Variants in OTOF observed in about 807,000 individuals in gnomAD.
The protein encoded by OTOF is otoferlin.
OTOF carries 218 observed loss-of-function variants against 236.8 expected under a neutral mutation model. The ratio of observed to expected loss-of-function variants is 0.92; its 90% confidence interval spans 0.82 to 1.03. OTOF has a LOEUF of 1.03. Among genes scored for constraint, OTOF ranks in the 50% least tolerant of loss-of-function variants. OTOF has a pLI of 0.00. For synonymous variants in OTOF, 1,041 were observed against 1,072.5 expected (o/e 0.97, Z 0.57); for missense variants, 2,590 against 2,694.4 (o/e 0.96, Z 0.86).
At position 26,468,543 on chromosome 2, in the gene OTOF, G is replaced by A. The variant is rs1349580107; in HGVS notation, c.4024-69C>T. 1.3e-5 allele frequency: 15 copies of A among 1,172,434 alleles called. No homozygotes were observed. The South Asian group carries it at 1.5e-4, about 11-fold the overall frequency. 72.6% of individuals were successfully genotyped at this position (1,172,434 alleles called of 1,614,324 possible). A position where few individuals can be genotyped will look rare whatever the true frequency, so the allele number is the denominator to read the frequency against. Reference sequence around the variant, plus strand: ...GGGAGGAGTCTGTTGACCCCAAATTGTGGGCCCAGACCAGTCTTAATGCAC... The same window carrying A: ...GGGAGGAGTCTGTTGACCCCAAATTATGGGCCCAGACCAGTCTTAATGCAC... On this transcript the variant is annotated intron_variant, in intron 32 of 46. Transcript: ENST00000272371.
At position 26,483,586 on chromosome 2, in the gene OTOF, AT is replaced by A; in HGVS notation, c.1267del (p.Ile423PhefsTer10). ...ACGGGGCAGCCCCTCTGCTCGGTAA[AT>A]TTTCACATAGAACCGGGCCCACTGG... Reference protein sequence around the residue: ...ERQWARFYVKIYRAEGLPRMN... With the variant: ...ERQWARFYVKXYRAEGLPRMN... On this transcript the variant is annotated frameshift_variant, in exon 13 of 47. Transcript: ENST00000272371. LOFTEE classifies it high-confidence loss of function. 1 of 1,613,612 alleles carries A rather than the reference AT, an allele frequency of 6.2e-7. No individual in the cohort carries two copies. Among genetic ancestry groups the A allele is most frequent in the Non-Finnish European group, 8.5e-7 (1 of 1,179,988 alleles).
intron 12 of OTOF, among the ~76,000 whole-genome samples, 186 bp from the exon 13 acceptor site, chr2:26,483,834 A>G (rs1243578468): frequency 6.6e-6 from 1 of 152,112 alleles, no homozygotes; most frequent in Non-Finnish European, 1.5e-5. Flanking sequence ...TTCCCATCTC[A>G]CTGAGCTGCC....
chr2:26,495,280 T>C (rs569401485), intron 8 of OTOF, among the ~76,000 whole-genome samples: 1 of 152,300 alleles, frequency 6.6e-6, no homozygotes, highest in South Asian at 2.1e-4. Flanking sequence ...TCTTCATTTA[T>C]AGAGGAGTAT....
chr2:26,480,459 C>T (rs759354369), intron 15 of OTOF, 148 bp from the exon 16 acceptor site: 43 of 702,126 alleles, frequency 6.1e-5, no homozygotes, highest in Non-Finnish European at 8.8e-5. Context: ...CACACCCCAA[C>T]GGCCCCCCAG....
intron 46 of OTOF, among the ~76,000 whole-genome samples, chr2:26,458,613 C>T (rs11900964): frequency 0.04 from 6,074 of 152,182 alleles, 378 homozygotes; most frequent in African/African-American, 0.13. Context: ...CTGTTCCCAC[C>T]GGGCCCTGCT....
In OTOF at chr2:26,482,433, G is replaced by T. The variant is rs141279323; in HGVS notation, c.1552C>A (p.Arg518Ser). Residue 518 changes from arginine to serine, a missense_variant, in exon 14 of 47, where the codon CGC (arginine) becomes AGC (serine). Physicochemically the swap from Arg to Ser is moderately radical, Grantham distance 110. Transcript: ENST00000272371. ...VAIGTHFIDL[R>S]KISNDGDKGF... ...TTGTCTCCGTCATTAGAAATCTTGC[G>T]CAGGTCAATGAAGTGGGTGCCGATG... 17 of 1,613,284 alleles carry T rather than the reference G, an allele frequency of 1.1e-5. No individual in the cohort carries two copies. Among genetic ancestry groups the T allele is most frequent in the Non-Finnish European group, 1.4e-5 (17 of 1,179,990 alleles).
rs1052441755 is a variant in OTOF at position 26,525,322 on chromosome 2, C to A, written c.227+2510G>T. Among the ~76,000 whole-genome samples the A allele has an allele frequency of 2.0e-5, 3 of 152,292 alleles. No individual in the cohort carries two copies. The East Asian group carries it at 5.8e-4, about 29-fold the overall frequency. On this transcript the variant is annotated intron_variant, in intron 3 of 46. Transcript: ENST00000272371. ...ACTCCTTGGAGCCCATATGGTGGGG[C>A]CTTTCCTGACTCAGAAATCCCCTCT...
intron 1 of OTOF, among the ~76,000 whole-genome samples, chr2:26,556,926 T>C (rs1448163265): frequency 6.6e-6 from 1 of 152,204 alleles, no homozygotes; most frequent in Non-Finnish European, 1.5e-5. Context: ...CATTTGCTTT[T>C]TCTAAAGCCA....
In OTOF at chr2:26,477,640, C is replaced by T; in HGVS notation, c.2315+9G>A. 6.8e-6 allele frequency: 11 copies of T among 1,612,298 alleles called. No individual in the cohort carries two copies. Among genetic ancestry groups the T allele is most frequent in the South Asian group, 3.3e-5 (3 of 91,080 alleles). ...ATCCTCCCCCCACCTGCCGCCCCTC[C>T]CTTCTCACCAGCAGCCACAGCTCAG... is the stretch of plus-strand genomic sequence containing the variant. On this transcript the variant is annotated intron_variant, in intron 19 of 46. Transcript: ENST00000272371. This position sits in a 1 kb window ranked among gnomAD's most constrained non-coding sequence, Gnocchi z 4.7.
rs1664478205 is a variant in OTOF, at chr2:26,461,812, A to C, written c.5417T>G (p.Ile1806Ser). The C allele has an allele frequency of 6.2e-7, 1 of 1,614,006 alleles. No homozygotes were observed. Among genetic ancestry groups the C allele is most frequent in the Non-Finnish European group, 8.5e-7 (1 of 1,180,032 alleles). ...CATGGACTCCTTCTTGGAGATGACG[A>C]TCTTCTCCTCCGCCGCCAGGTAGTC... ...PFDYLAAEEK[I>S]VISKKESMFS... is the part of the protein sequence containing the mutation. Residue 1806 changes from isoleucine to serine, a missense_variant, in exon 43 of 47, where the codon ATC becomes AGC. Coordinates refer to ENST00000272371, the MANE Select transcript of OTOF (RefSeq NM_194248.3). The surrounding 1 kb of genome is among the most constrained non-coding windows in gnomAD (Gnocchi z 6.2).
chr2:26,509,358 CG>C (rs1558505904), intron 5 of OTOF, among the ~76,000 whole-genome samples: 2 of 152,226 alleles, frequency 1.3e-5, no homozygotes, highest in Non-Finnish European at 2.9e-5. Flanking sequence ...GCTCTGCCTA[CG>C]TGTCTTCCCT....
intron 3 of OTOF, among the ~76,000 whole-genome samples, chr2:26,526,807 C>A (rs1230411821): frequency 6.6e-6 from 1 of 152,184 alleles, no homozygotes; most frequent in Non-Finnish European, 1.5e-5. Flanking sequence ...ACCTCCATAC[C>A]TTCTTGGACA....
At position 26,483,564 on chromosome 2, in the gene OTOF, G is replaced by A; in HGVS notation, c.1290C>T (p.Pro430=). 1 of 1,613,924 alleles carries A rather than the reference G, an allele frequency of 6.2e-7. No individual in the cohort carries two copies. The highest frequency in any genetic ancestry group is 1.1e-5 in the South Asian group (1 of 91,084). ...YVKIYRAEGL[P]RMNTSLMANV... is the part of the protein sequence containing the mutation. ...TGGCCATGAGGCTTGTGTTCATACG[G>A]GGCAGCCCCTCTGCTCGGTAAATTT... Residue 430 remains proline (P), a synonymous_variant, in exon 13 of 47, where the codon CCC becomes CCT. Transcript: ENST00000272371.
chr2:26,487,427 A>C (rs1442728525), intron 11 of OTOF, among the ~76,000 whole-genome samples: 3 of 151,194 alleles, frequency 2.0e-5, no homozygotes, highest in African/African-American at 2.4e-5. Flanking sequence ...ACCTCGGCCC[A>C]CATCCTGTTT....
At chr2:26,466,491 T>G (rs1664733153) in intron 36 of OTOF, among the ~76,000 whole-genome samples, 1 of 152,184 alleles carries the variant, frequency 6.6e-6, no homozygotes, top group African/African-American at 2.4e-5. Flanking sequence ...TGCGTGGCAC[T>G]GTGCCTGGCT....
intron 8 of OTOF, 85 bp downstream of exon 8, chr2:26,501,669 C>T: frequency 1.1e-6 from 1 of 934,424 alleles, no homozygotes; most frequent in Non-Finnish European, 1.8e-6. Context: ...ATCCATGCCT[C>T]AGTATAGTGG....
chr2:26,518,777 G>C (rs1057326888), intron 4 of OTOF, among the ~76,000 whole-genome samples: 1 of 152,244 alleles, frequency 6.6e-6, no homozygotes, highest in Non-Finnish European at 1.5e-5. Flanking sequence ...TCCCACCGTA[G>C]GAAGGGCAGG....
At chr2:26,544,005 G>A (rs1667268424) in intron 1 of OTOF, among the ~76,000 whole-genome samples, 1 of 152,242 alleles carries the variant, frequency 6.6e-6, no homozygotes, top group South Asian at 2.1e-4. Flanking sequence ...ATAGGCGTGG[G>A]CCACTGCGCC....
At chr2:26,459,846 T>C (rs1664372327) in intron 46 of OTOF, among the ~76,000 whole-genome samples, 162 bp downstream of exon 46, 2 of 151,528 alleles carry the variant, frequency 1.3e-5, no homozygotes, top group African/African-American at 4.9e-5. Flanking sequence ...CTTGAGTGCA[T>C]GTGTATGCAC....
Sources: allele counts gnomAD v4.1 joint callset (sites outside exome capture counted in the v4.1 genomes callset), GRCh38; gene constraint gnomAD v4.1.1; non-coding constraint Gnocchi (gnomAD v3.1); transcripts MANE v1.5; gene names NCBI Gene and HGNC (gene_info 2026-07-23, HGNC 2026-07-21).